The following RARB variants were observed in gnomAD, a reference collection of about 807,000 sequenced individuals.
RARB encodes the protein retinoic acid receptor beta, also known as HBV-activated protein.
In RARB, 17 loss-of-function variants were observed where a neutral mutation model predicts 51.9. The ratio of observed to expected loss-of-function variants is 0.33; its 90% CI spans 0.22 to 0.49. The LOEUF (loss-of-function observed/expected upper bound fraction) is 0.49. Among genes scored for constraint, RARB ranks in the 20% least tolerant of loss-of-function variants. RARB has a pLI of 0.99. For synonymous variants in RARB, 215 were observed against 195.4 expected (o/e 1.10, Z -0.84); for missense variants, 369 against 550.8 (o/e 0.67, Z 3.30).
intron 5 of RARB, among the ~76,000 whole-genome samples, chr3:25,354,380 T>C (rs1705667503): frequency 6.6e-6 from 1 of 152,132 alleles, no homozygotes; most frequent in South Asian, 2.1e-4. Context: ...TGGTATGTTT[T>C]TCCTGTCTGG....
intron 3 of RARB, among the ~76,000 whole-genome samples, chr3:25,061,108 T>C (rs994207920): frequency 6.6e-5 from 10 of 151,922 alleles, no homozygotes; most frequent in African/African-American, 2.2e-4. Context: ...AGGATTAACA[T>C]ACTTGGCCTG....
intron 5 of RARB, among the ~76,000 whole-genome samples, chr3:25,213,303 A>G (rs1361816056): frequency 2.0e-5 from 3 of 152,122 alleles, no homozygotes; most frequent in African/African-American, 7.2e-5. Context: ...ACTACATACT[A>G]TATAATCACA....
rs3832215 is a variant in RARB, at chr3:25,597,650, G to GAAAC, written c.*1036_*1039dup. The GAAAC allele has an allele frequency of 0.22, 33,464 of 152,358 alleles. 4,029 individuals carry two copies. The highest frequency in any genetic ancestry group is 0.26 in the Non-Finnish European group (17,970 of 67,866). The allele number at this position is 152,358 out of a possible 1,614,324, so 9.4% of individuals were successfully genotyped here. ...CTAATTAATATTAACAACTCCCAAA[G>GAAAC]AAACAGGCATAGAATCTGCCTCCTT... On this transcript the variant is annotated 3_prime_UTR_variant, in exon 8 of 8. Coordinates refer to ENST00000330688, the MANE Select transcript of RARB (RefSeq NM_000965.5).
rs187128759 is a variant in RARB, at chr3:25,101,724, T to G, written c.-327-30437T>G. Among the ~76,000 whole-genome samples, 336 of 152,122 alleles carry G rather than the reference T, an allele frequency of 2.2e-3. 2 individuals are homozygous for G. The highest frequency in any genetic ancestry group is 7.8e-3 in the African/African-American group (324 of 41,500). The stretch of plus-strand genomic sequence containing the variant: ...GATTCTTTCCATAGATGCTTTGCAG[T>G]GGGATTGCTGGATCAAAATGTGTTT... On this transcript the variant is annotated intron_variant, in intron 3 of 11. Transcript: ENST00000383772.
intron 2 of RARB, among the ~76,000 whole-genome samples, chr3:24,876,132 C>T (rs1703038594): frequency 6.6e-6 from 1 of 152,148 alleles, no homozygotes; most frequent in Admixed American, 6.5e-5. Flanking sequence ...CATCTTATTA[C>T]TGATAACTTT....
intron 5 of RARB, among the ~76,000 whole-genome samples, chr3:25,317,088 A>T (rs1336100374): frequency 6.6e-6 from 1 of 152,186 alleles, no homozygotes; most frequent in Non-Finnish European, 1.5e-5. Context: ...AAGTCGTGTA[A>T]AAGAATACAA....
intron 5 of RARB, among the ~76,000 whole-genome samples, chr3:25,318,377 T>A: frequency 6.6e-6 from 1 of 152,232 alleles, no homozygotes; most frequent in East Asian, 1.9e-4. Context: ...GTGGCTAATG[T>A]GTCTAATGTA....
At chr3:25,417,219 G>A (rs1411546821) in intron 5 of RARB, among the ~76,000 whole-genome samples, 3 of 149,682 alleles carry the variant, frequency 2.0e-5, no homozygotes, top group Admixed American at 6.7e-5. Flanking sequence ...AAAAACTGCT[G>A]CCTGTCTCTG....
At chr3:25,559,590 G>A (rs141610904) in intron 3 of RARB, among the ~76,000 whole-genome samples, 7 of 152,270 alleles carry the variant, frequency 4.6e-5, no homozygotes, top group Admixed American at 4.6e-4. Context: ...ATGCATAATG[G>A]CAAACAAAGT....
At chr3:24,936,572 A>G (rs1312806083) in intron 2 of RARB, among the ~76,000 whole-genome samples, 1 of 152,206 alleles carries the variant, frequency 6.6e-6, no homozygotes, top group Non-Finnish European at 1.5e-5. Context: ...ATTAGCAATA[A>G]AGCAACATGA....
chr3:25,214,259 C>A (rs1267813270), intron 5 of RARB, among the ~76,000 whole-genome samples: 1 of 152,170 alleles, frequency 6.6e-6, no homozygotes, highest in Non-Finnish European at 1.5e-5. Flanking sequence ...AAGGGAGAGG[C>A]TCTGGCTGGG....
rs1478060108 is a variant in RARB at position 25,106,444 on chromosome 3, G to GTTT, written c.-327-25713_-327-25711dup. On this transcript the variant is annotated intron_variant, in intron 3 of 11. Transcript: ENST00000383772. ...GCATGTACCACCATGCCCAGCTACTGTTTTTTGTTTTTTGTTTTTTTTTGT... is the reference window on the plus strand; with the variant it reads ...GCATGTACCACCATGCCCAGCTACTGTTTTTTTTTGTTTTTTGTTTTTTTTTGT... Among the ~76,000 whole-genome samples, 23 of 67,004 alleles carry GTTT rather than the reference G, an allele frequency of 3.4e-4. 2 individuals are homozygous for GTTT. The highest frequency in any genetic ancestry group is 9.7e-4 in the South Asian group (2 of 2,064). The allele number at this position is 67,004 out of a possible 152,430, so 44.0% of individuals were successfully genotyped here.
chr3:24,915,522 G>A (rs1695088427), intron 2 of RARB, among the ~76,000 whole-genome samples: 1 of 152,150 alleles, frequency 6.6e-6, no homozygotes, highest in Admixed American at 6.5e-5. Flanking sequence ...ACCAAAGACT[G>A]CTCATAAATT....
chr3:24,881,056 G>A (rs762741781), intron 2 of RARB, among the ~76,000 whole-genome samples: 10 of 152,144 alleles, frequency 6.6e-5, no homozygotes, highest in Admixed American at 2.0e-4. Flanking sequence ...TTTCCCCCAT[G>A]CTGTTCTCAT....
intron 2 of RARB, among the ~76,000 whole-genome samples, chr3:25,472,992 G>T (rs1424497934): frequency 1.3e-5 from 2 of 152,162 alleles, no homozygotes; most frequent in Non-Finnish European, 2.9e-5. Context: ...TGGAACACCA[G>T]ATGAAACAGT....
chr3:25,211,967 A>G (rs1701709577), intron 5 of RARB, among the ~76,000 whole-genome samples: 2 of 152,184 alleles, frequency 1.3e-5, no homozygotes, highest in African/African-American at 4.8e-5. Flanking sequence ...CCATTTGCCA[A>G]TAATATAAGG....
chr3:25,058,058 A>C (rs1010087019), intron 2 of RARB, among the ~76,000 whole-genome samples: 36 of 152,080 alleles, frequency 2.4e-4, no homozygotes, highest in African/African-American at 8.2e-4. Flanking sequence ...ATAAAAATTG[A>C]CTTTAGAGCA....
chr3:25,586,943 C>T (rs1000148192), intron 5 of RARB, among the ~76,000 whole-genome samples: 5 of 152,158 alleles, frequency 3.3e-5, no homozygotes, highest in Admixed American at 2.6e-4. Context: ...AGATGTGGCA[C>T]GATTACCCCA....
At chr3:25,054,216 C>G (rs575286582) in intron 2 of RARB, among the ~76,000 whole-genome samples, 2 of 152,226 alleles carry the variant, frequency 1.3e-5, no homozygotes, top group African/African-American at 4.8e-5. Flanking sequence ...TGTGCATACA[C>G]TAATTATCCA....
Sources: allele counts gnomAD v4.1 joint callset (sites outside exome capture counted in the v4.1 genomes callset), GRCh38; gene constraint gnomAD v4.1.1; transcripts MANE v1.5; gene names NCBI Gene and HGNC (gene_info 2026-07-23, HGNC 2026-07-21).